The following TBC1D23 variants were observed in gnomAD, a reference collection of about 807,000 sequenced individuals.
The protein encoded by TBC1D23 is TBC1 domain family member 23.
In TBC1D23, 55 loss-of-function variants were observed where a neutral mutation model predicts 91.4. That is an observed-to-expected ratio of 0.60 (90% confidence interval 0.48 to 0.75). The LOEUF (loss-of-function observed/expected upper bound fraction) is 0.75, where lower values mean the gene tolerates loss of function less well. TBC1D23 is among the 30% of genes least tolerant of loss of function. The pLI is 0.00. For missense variants in TBC1D23, 725 were observed against 836.1 expected, an observed-to-expected ratio of 0.87 and a Z score of 1.64; for synonymous variants, 289 against 281.0, an observed-to-expected ratio of 1.03 and a Z score of -0.28.
intron 13 of TBC1D23, among the ~76,000 whole-genome samples, chr3:100,308,597 T>G (rs1370588637): frequency 6.6e-6 from 1 of 152,232 alleles, no homozygotes; most frequent in Non-Finnish European, 1.5e-5. Context: ...GCCATTCATA[T>G]TTTAAAGTAT....
At chr3:100,262,971 T>G (rs1302598892) in intron 1 of TBC1D23, among the ~76,000 whole-genome samples, 1 of 152,028 alleles carries the variant, frequency 6.6e-6, no homozygotes, top group Non-Finnish European at 1.5e-5. Context: ...AGAATCAGAT[T>G]AAGAGATGGG....
chr3:100,284,373 A>G (rs138157346), intron 4 of TBC1D23, among the ~76,000 whole-genome samples: 2 of 152,250 alleles, frequency 1.3e-5, no homozygotes, highest in African/African-American at 4.8e-5. Context: ...TAATTCTTCC[A>G]GTTTATTTGG....
intron 10 of TBC1D23, 64 bp from the exon 11 acceptor site, chr3:100,302,003 C>A: frequency 7.3e-7 from 1 of 1,361,514 alleles, no homozygotes; most frequent in South Asian, 1.4e-5. Flanking sequence ...AAAAAAATTT[C>A]AAATTTACAA....
At chr3:100,300,755 C>A (rs1400751194) in intron 10 of TBC1D23, among the ~76,000 whole-genome samples, 6 of 152,066 alleles carry the variant, frequency 3.9e-5, no homozygotes, top group African/African-American at 1.4e-4. Flanking sequence ...CCACCTTGGC[C>A]TCCCAAAGTG....
At chr3:100,287,914 C>G (rs898182041) in intron 4 of TBC1D23, among the ~76,000 whole-genome samples, 6 of 151,784 alleles carry the variant, frequency 4.0e-5, no homozygotes, top group Non-Finnish European at 5.9e-5. Context: ...CCACTCTGCC[C>G]TGCTTAAAAC....
At chr3:100,322,747 T>A (rs1705882363) in intron 18 of TBC1D23, among the ~76,000 whole-genome samples, 1 of 152,138 alleles carries the variant, frequency 6.6e-6, no homozygotes, top group South Asian at 2.1e-4. Flanking sequence ...TAAATTGAAG[T>A]TTATTATATA....
intron 2 of TBC1D23, among the ~76,000 whole-genome samples, chr3:100,280,256 T>C (rs1027816689): frequency 6.6e-6 from 1 of 152,074 alleles, no homozygotes; most frequent in Non-Finnish European, 1.5e-5. Context: ...AAATGGTGTT[T>C]ATGAAAATTT....
intron 16 of TBC1D23, among the ~76,000 whole-genome samples, chr3:100,317,123 C>T (rs1391583150): frequency 6.6e-6 from 1 of 151,676 alleles, no homozygotes; most frequent in East Asian, 1.9e-4. Flanking sequence ...TATAATTCTA[C>T]TGTCCAGCTT....
rs1705516132 is a variant in TBC1D23 at position 100,306,287 on chromosome 3, T to G, written c.1307-150T>G. The G allele has an allele frequency of 7.0e-6, 4 of 568,722 alleles. No homozygotes were observed. In the South Asian group the frequency reaches 8.3e-5, roughly 12 times the overall value. 35.2% of individuals were successfully genotyped at this position (568,722 alleles called of 1,614,324 possible). A position where few individuals can be genotyped will look rare whatever the true frequency, so the allele number is the denominator to read the frequency against. On this transcript the variant is annotated intron_variant, in intron 12 of 18. Transcript: ENST00000394144. Reference sequence around the variant, plus strand: ...GCTCTAGCTTGGAGGCCTTTACTCCTTTACAGACGTGCAGAAAGAAATACC... The same window carrying G: ...GCTCTAGCTTGGAGGCCTTTACTCCGTTACAGACGTGCAGAAAGAAATACC...
chr3:100,318,831 T>C (rs1705800658), intron 16 of TBC1D23, among the ~76,000 whole-genome samples: 2 of 151,998 alleles, frequency 1.3e-5, no homozygotes, highest in African/African-American at 4.8e-5. Flanking sequence ...TTTGTATTTT[T>C]TAGTAGAGAT....
At chr3:100,270,420 A>G (rs2067591009) in intron 1 of TBC1D23, among the ~76,000 whole-genome samples, 1 of 152,244 alleles carries the variant, frequency 6.6e-6, no homozygotes, top group South Asian at 2.1e-4. Flanking sequence ...AGAGTGATAG[A>G]GGTTTTGGGT....
At chr3:100,316,624 A>T (rs145072093) in intron 16 of TBC1D23, among the ~76,000 whole-genome samples, 5 of 152,104 alleles carry the variant, frequency 3.3e-5, no homozygotes, top group Non-Finnish European at 7.4e-5. Context: ...CCCTTTGATC[A>T]GATTGAAATT....
chr3:100,300,256 CTCT>C (rs1395317240), intron 10 of TBC1D23, among the ~76,000 whole-genome samples: 2 of 152,076 alleles, frequency 1.3e-5, no homozygotes, highest in Non-Finnish European at 2.9e-5. Flanking sequence ...GATGAGAAAC[CTCT>C]TAGCTAAATG....
chr3:100,279,335 T>C (rs2067676214), intron 1 of TBC1D23: 1 of 200,812 alleles, frequency 5.0e-6, no homozygotes, highest in South Asian at 1.2e-4. Flanking sequence ...TATGTAAAGT[T>C]ATTACCACCA....
At chr3:100,315,209 A>T (rs909727742) in intron 15 of TBC1D23, among the ~76,000 whole-genome samples, 2 of 114,062 alleles carry the variant, frequency 1.8e-5, no homozygotes, top group Non-Finnish European at 3.3e-5. Flanking sequence ...GTTGTCCAGG[A>T]TGGAGTGCAA....
chr3:100,312,142 T>A (rs1264240896), intron 15 of TBC1D23, among the ~76,000 whole-genome samples: 1 of 152,222 alleles, frequency 6.6e-6, no homozygotes, highest in Non-Finnish European at 1.5e-5. Flanking sequence ...GTTCAAAACC[T>A]GCAGTTTTTA....
intron 4 of TBC1D23, chr3:100,284,178 A>T (rs2067720854): frequency 5.9e-6 from 1 of 170,704 alleles, no homozygotes; most frequent in Non-Finnish European, 1.3e-5. Context: ...TTGCTAAATA[A>T]GTAGATTATA....
intron 4 of TBC1D23, among the ~76,000 whole-genome samples, chr3:100,284,946 C>T (rs914387849): frequency 1.3e-5 from 2 of 152,016 alleles, no homozygotes; most frequent in African/African-American, 4.8e-5. Context: ...TTAATTTCAG[C>T]GTGTAGCCAA....
intron 8 of TBC1D23, 118 bp downstream of exon 8, chr3:100,296,393 T>C (rs2067840709): frequency 1.7e-6 from 1 of 598,640 alleles, no homozygotes; most frequent in Non-Finnish European, 2.8e-6. Flanking sequence ...TTATGTGTTG[T>C]AGTTTTGTGT....
Sources: allele counts gnomAD v4.1 joint callset (sites outside exome capture counted in the v4.1 genomes callset), GRCh38; gene constraint gnomAD v4.1.1; transcripts MANE v1.5; gene names NCBI Gene and HGNC (gene_info 2026-07-23, HGNC 2026-07-21).